ATG4B: variants seen among roughly 807,000 people sequenced by gnomAD.
The protein encoded by ATG4B is autophagy related 4B cysteine peptidase, also known as cysteine protease ATG4B.
Under a neutral mutation model 56.6 loss-of-function variants are expected in ATG4B, and 29 were observed. The ratio of observed to expected loss-of-function variants is 0.51; its 90% CI spans 0.38 to 0.70. ATG4B has a LOEUF of 0.70. Among genes scored for constraint, ATG4B ranks in the 30% least tolerant of loss-of-function variants. The probability of loss-of-function intolerance (pLI) is 0.00; values close to 1 mark genes in which losing one functional copy is unlikely to be tolerated. For synonymous variants in ATG4B, 224 were observed against 206.1 expected, an observed-to-expected ratio of 1.09 and a Z score of -0.74; for missense variants, 461 against 515.5, an observed-to-expected ratio of 0.89 and a Z score of 1.02.
chr2:241,650,450 G>A (rs780449217), intron 1 of ATG4B, among the ~76,000 whole-genome samples: 5 of 152,098 alleles, frequency 3.3e-5, no homozygotes, highest in Non-Finnish European at 5.9e-5. Context: ...TTGCCCCGGA[G>A]CATCTGCCTT....
chr2:241,673,623 T>C lies in ATG4B; in HGVS notation c.*1359T>C, dbSNP rs1319973078. On this transcript the variant is annotated 3_prime_UTR_variant, in exon 13 of 13. Coordinates refer to ENST00000404914, the MANE Select transcript of ATG4B (RefSeq NM_013325.5). The stretch of plus-strand genomic sequence containing the variant: ...CGTATCCTTTCTCCCTTGGGTGTAG[T>C]TGGGGTGGGGAAGCAGGGAAGGCTG... 4.4e-6 allele frequency: 2 copies of C among 455,728 alleles called. No individual in the cohort carries two copies. The highest frequency in any genetic ancestry group is 2.4e-5 in the Admixed American group (1 of 42,520). 28.2% of individuals were successfully genotyped at this position (455,728 alleles called of 1,614,324 possible).
chr2:241,667,470 G>A (rs1396443636), intron 8 of ATG4B, among the ~76,000 whole-genome samples: 2 of 151,976 alleles, frequency 1.3e-5, no homozygotes, highest in Non-Finnish European at 1.5e-5. Context: ...CGGGCATGGT[G>A]GTGCGCGCCT....
intron 1 of ATG4B, among the ~76,000 whole-genome samples, chr2:241,645,661 C>T (rs1343377836): frequency 1.3e-5 from 2 of 152,178 alleles, no homozygotes; most frequent in Non-Finnish European, 2.9e-5. Flanking sequence ...ACTTCTGACT[C>T]CACAGCTGGC....
intron 7 of ATG4B, among the ~76,000 whole-genome samples, chr2:241,664,264 C>G (rs1233103062): frequency 6.6e-6 from 1 of 152,142 alleles, no homozygotes; most frequent in Non-Finnish European, 1.5e-5. Context: ...CACTGTGGCT[C>G]CCGCCTGTAA....
At position 241,666,947 on chromosome 2, in the gene ATG4B, G is replaced by A. The variant is rs534715760; in HGVS notation, c.732+109G>A. The A allele has an allele frequency of 2.6e-5, 34 of 1,323,300 alleles. No homozygotes were observed. The South Asian group carries it at 4.5e-4, about 17-fold the overall frequency. The allele number at this position is 1,323,300 out of a possible 1,614,324, so 82.0% of individuals were successfully genotyped here. A position where few individuals can be genotyped will look rare whatever the true frequency, so the allele number is the denominator to read the frequency against. ...TGGCCATTTGTGCAGCCGGCTCTCG[G>A]GGGAGGGGTAAACAACCCTGGTTTA... On this transcript the variant is annotated intron_variant, in intron 8 of 12. Transcript: ENST00000404914.
chr2:241,659,407 C>T, intron 7 of ATG4B: 2 of 632,734 alleles, frequency 3.2e-6, no homozygotes, highest in Non-Finnish European at 6.1e-6. Flanking sequence ...TGTCTGGAGG[C>T]CGCGACTTGG....
Position 241,668,129 on chromosome 2 carries a change from C to T in ATG4B, c.733-14C>T. 6.3e-7 allele frequency: 1 copy of T among 1,582,878 alleles called. No individual in the cohort carries two copies. Among genetic ancestry groups the T allele is most frequent in the Non-Finnish European group, 8.6e-7 (1 of 1,165,250 alleles). ...CCACCTGGGACCTGTGCTCAGTCCC[C>T]CGCCCCTCCACAGCACTGCTTCATG... is the stretch of plus-strand genomic sequence containing the variant. On this transcript the variant is annotated splice_polypyrimidine_tract_variant and intron_variant, in intron 8 of 12. Transcript: ENST00000404914. This position sits in a 1 kb window ranked among gnomAD's most constrained non-coding sequence, Gnocchi z 4.2.
intron 1 of ATG4B, among the ~76,000 whole-genome samples, chr2:241,639,538 C>T (rs2067820443): frequency 6.6e-6 from 1 of 152,176 alleles, no homozygotes; most frequent in African/African-American, 2.4e-5. Context: ...GTCCCTAGTT[C>T]TTGTCCCACG....
intron 7 of ATG4B, 105 bp from the exon 8 acceptor site, chr2:241,666,540 T>A: frequency 8.1e-7 from 1 of 1,239,294 alleles, no homozygotes; most frequent in South Asian, 1.3e-5. Context: ...AGCACCTGGC[T>A]TTGTACCGCC....
At chr2:241,639,081 C>T (rs1170194882) in intron 1 of ATG4B, among the ~76,000 whole-genome samples, 1 of 152,166 alleles carries the variant, frequency 6.6e-6, no homozygotes, top group Non-Finnish European at 1.5e-5. Flanking sequence ...GCACGGATAC[C>T]ATGGCCACCA....
rs2068860264 is a variant in ATG4B, at chr2:241,668,769, T to G, written c.957+84T>G. 11 of 1,424,996 alleles carry G rather than the reference T, an allele frequency of 7.7e-6. No homozygotes were observed. Among genetic ancestry groups the G allele is most frequent in the South Asian group, 2.7e-5 (2 of 74,914 alleles). The allele number at this position is 1,424,996 out of a possible 1,614,324, so 88.3% of individuals were successfully genotyped here. ...CGAGGAAAACTTTCGGATTTTTGCG[T>G]TTTTTTTTTCAGCATGTTGGGATAA... On this transcript the variant is annotated intron_variant, in intron 10 of 12. Transcript: ENST00000404914. This position sits in a 1 kb window ranked among gnomAD's most constrained non-coding sequence, Gnocchi z 4.2.
chr2:241,666,569 C>A, intron 7 of ATG4B, 76 bp from the exon 8 acceptor site: 1 of 1,458,076 alleles, frequency 6.9e-7, no homozygotes, highest in South Asian at 1.2e-5. Flanking sequence ...GTTACACAGT[C>A]ATCATTTGCT....
chr2:241,652,423 T>C (rs2068252391), intron 3 of ATG4B, among the ~76,000 whole-genome samples: 1 of 152,176 alleles, frequency 6.6e-6, no homozygotes, highest in Non-Finnish European at 1.5e-5. Context: ...GTGGAGGAGG[T>C]AGAGGCTGGG....
chr2:241,655,140 C>A, intron 5 of ATG4B, 131 bp from the exon 6 acceptor site: 2 of 813,874 alleles, frequency 2.5e-6, no homozygotes, highest in Non-Finnish European at 4.0e-6. Context: ...CTTGTTGGGG[C>A]ATCCTTCCGT....
chr2:241,661,757 C>T (rs1311926657), intron 7 of ATG4B, among the ~76,000 whole-genome samples: 2 of 152,168 alleles, frequency 1.3e-5, no homozygotes, highest in East Asian at 3.9e-4. Context: ...ACCCATCCCC[C>T]CCGCAACTCA....
At chr2:241,638,785 G>A (rs1172992428) in intron 1 of ATG4B, among the ~76,000 whole-genome samples, 1 of 152,224 alleles carries the variant, frequency 6.6e-6, no homozygotes, top group Admixed American at 6.5e-5. Flanking sequence ...TCCCTAAGGA[G>A]CATGTTGACC....
intron 7 of ATG4B, among the ~76,000 whole-genome samples, chr2:241,663,317 G>T (rs145967164): frequency 6.6e-6 from 1 of 152,276 alleles, no homozygotes; most frequent in East Asian, 1.9e-4. Flanking sequence ...CAAAGCTACA[G>T]GGGACCCAGA....
At chr2:241,645,744 C>T (rs2068042205) in intron 1 of ATG4B, among the ~76,000 whole-genome samples, 1 of 152,058 alleles carries the variant, frequency 6.6e-6, no homozygotes, top group African/African-American at 2.4e-5. Context: ...TCCACAGTAC[C>T]GAGAGGAGGG....
In ATG4B at chr2:241,655,353, G is replaced by A; in HGVS notation, c.458+10G>A. On this transcript the variant is annotated intron_variant, in intron 6 of 12. Coordinates refer to ENST00000404914, the MANE Select transcript of ATG4B (RefSeq NM_013325.5). Reference sequence around the variant, plus strand: ...TCGCCCAGGTCCTGAAGTATGTACTGCGCTTCCACTGCTGAGCATGGGGCA... The same window carrying A: ...TCGCCCAGGTCCTGAAGTATGTACTACGCTTCCACTGCTGAGCATGGGGCA... 1 of 1,603,444 alleles carries A rather than the reference G, an allele frequency of 6.2e-7. No individual in the cohort carries two copies. Among genetic ancestry groups the A allele is most frequent in the Non-Finnish European group, 8.5e-7 (1 of 1,174,986 alleles).
Sources: allele counts gnomAD v4.1 joint callset (sites outside exome capture counted in the v4.1 genomes callset), GRCh38; gene constraint gnomAD v4.1.1; non-coding constraint Gnocchi (gnomAD v3.1); transcripts MANE v1.5; gene names NCBI Gene and HGNC (gene_info 2026-07-23, HGNC 2026-07-21).